Variants in ATP9B observed in about 807,000 individuals in gnomAD.
ATP9B encodes the protein ATPase phospholipid transporting 9B.
A neutral mutation model predicts 146.1 loss-of-function variants in ATP9B; 110 were observed. The observed-to-expected ratio is 0.75, with a 90% CI of 0.65 to 0.88. The LOEUF (loss-of-function observed/expected upper bound fraction) is 0.88, where lower values mean the gene tolerates loss of function less well. Among genes scored for constraint, ATP9B ranks in the 40% least tolerant of loss-of-function variants. The probability of loss-of-function intolerance (pLI) is 0.00; values close to 1 mark genes in which losing one functional copy is unlikely to be tolerated. For missense variants in ATP9B, 1,499 were observed against 1,496.4 expected (o/e 1.00, Z -0.03); for synonymous variants, 604 against 569.7 (o/e 1.06, Z -0.86).
intron 11 of ATP9B, among the ~76,000 whole-genome samples, chr18:79,228,498 G>T (rs981585577): frequency 6.6e-6 from 1 of 152,074 alleles, no homozygotes; most frequent in African/African-American, 2.4e-5. Flanking sequence ...TAAGGTGATC[G>T]CCTGTTGCAT....
Position 79,377,395 on chromosome 18 carries a change from C to T in ATP9B, c.*12C>T. 6.2e-7 allele frequency: 1 copy of T among 1,605,020 alleles called. No homozygotes were observed. Among genetic ancestry groups the T allele is most frequent in the Non-Finnish European group, 8.5e-7 (1 of 1,179,876 alleles). ...AGCTGGCCTCCTAAGGGGCTGTGCA[C>T]CCCCAGCGGGCTGGCCCCAGCACCT... On this transcript the variant is annotated 3_prime_UTR_variant, in exon 30 of 30. Coordinates refer to ENST00000426216, the MANE Select transcript of ATP9B (RefSeq NM_198531.5).
At position 79,091,781 on chromosome 18, in the gene ATP9B, G is replaced by A. The variant is rs147143649; in HGVS notation, c.120-4695G>A. On this transcript the variant is annotated intron_variant, in intron 1 of 29. Coordinates refer to ENST00000426216, the MANE Select transcript of ATP9B (RefSeq NM_198531.5). ...TTCCCCCTATATGTTTCTCTTGTCC[G>A]ATAGCTCTAGCTAGGACTTCCAGTA... Among the ~76,000 whole-genome samples, 250 of 152,222 alleles carry A rather than the reference G, an allele frequency of 1.6e-3. 1 individual carries two copies. Among genetic ancestry groups the A allele is most frequent in the African/African-American group, 5.6e-3 (232 of 41,530 alleles).
intron 15 of ATP9B, among the ~76,000 whole-genome samples, chr18:79,309,921 A>G (rs562682322): frequency 1.3e-5 from 2 of 152,312 alleles, no homozygotes; most frequent in Non-Finnish European, 1.5e-5. Context: ...GACAAAGCAA[A>G]TTCATAGGTT....
chr18:79,139,559 A>G (rs2094489393), intron 5 of ATP9B, among the ~76,000 whole-genome samples: 1 of 152,176 alleles, frequency 6.6e-6, no homozygotes, highest in African/African-American at 2.4e-5. Flanking sequence ...GTGAGTACAT[A>G]GTAGGTATAT....
At chr18:79,231,187 A>G (rs2095788191) in intron 11 of ATP9B, among the ~76,000 whole-genome samples, 1 of 152,238 alleles carries the variant, frequency 6.6e-6, no homozygotes, top group South Asian at 2.1e-4. Flanking sequence ...AGCAAAAGAA[A>G]TAATCAGCAG....
chr18:79,317,772 G>A (rs980435069), intron 15 of ATP9B, among the ~76,000 whole-genome samples: 1 of 152,168 alleles, frequency 6.6e-6, no homozygotes, highest in Non-Finnish European at 1.5e-5. Context: ...CCGGGGTGGT[G>A]GAAACATGGC....
Position 79,337,328 on chromosome 18 carries a change from T to C in ATP9B, c.2162T>C (p.Val721Ala), listed in dbSNP as rs2096833289. The C allele has an allele frequency of 1.2e-6, 2 of 1,614,088 alleles. No homozygotes were observed. The highest frequency in any genetic ancestry group is 1.7e-6 in the Non-Finnish European group (2 of 1,180,014). The change falls in exon 19 of 30, where the codon GTG becomes GCG. Residue 721 changes from valine to alanine, a missense_variant. Physicochemically the swap from Val to Ala is moderately conservative, Grantham distance 64 (BLOSUM62 0). Coordinates refer to ENST00000426216, the MANE Select transcript of ATP9B (RefSeq NM_198531.5). ...KLSMHDRSLK[V>A]AAVVESLERE... ...AGCATGCACGACAGGTCCCTCAAGGTGGCCGCGGTAGTCGAGAGCCTGGAG... is the reference window on the plus strand; with the variant it reads ...AGCATGCACGACAGGTCCCTCAAGGCGGCCGCGGTAGTCGAGAGCCTGGAG...
At position 79,110,512 on chromosome 18, in the gene ATP9B, C is replaced by A; in HGVS notation, c.444+7C>A. On this transcript the variant is annotated splice_region_variant and intron_variant, in intron 3 of 29. Coordinates refer to ENST00000426216, the MANE Select transcript of ATP9B (RefSeq NM_198531.5). ...GTTTACCTTTATACCTGGGGTAAGA[C>A]TATTGCATTCTTGGAGATGGGTTGT... is the stretch of plus-strand genomic sequence containing the variant. 6.3e-7 allele frequency: 1 copy of A among 1,597,088 alleles called. No individual in the cohort carries two copies. Among genetic ancestry groups the A allele is most frequent in the Non-Finnish European group, 8.5e-7 (1 of 1,173,376 alleles).
chr18:79,205,245 A>C (rs1456138503), intron 9 of ATP9B, among the ~76,000 whole-genome samples: 1 of 106,010 alleles, frequency 9.4e-6, no homozygotes, highest in Non-Finnish European at 2.0e-5. Flanking sequence ...ATATTTTGGA[A>C]ACTGTTAGGA....
chr18:79,230,023 G>A (rs2095775491), intron 11 of ATP9B, among the ~76,000 whole-genome samples: 1 of 151,474 alleles, frequency 6.6e-6, no homozygotes, highest in South Asian at 2.1e-4. Context: ...TTTATAAAAT[G>A]AAATTTATAG....
chr18:79,348,226 TC>T, intron 25 of ATP9B, 30 bp downstream of exon 25: 1 of 1,057,348 alleles, frequency 9.5e-7, no homozygotes, highest in Non-Finnish European at 1.4e-6. Flanking sequence ...TGCCAGCTCA[TC>T]CAGGGGAGGA....
In ATP9B at chr18:79,222,764, T is replaced by G. The variant is rs563743496; in HGVS notation, c.1107+8726T>G. 1.9e-4 allele frequency among the ~76,000 whole-genome samples: 29 copies of G among 150,948 alleles called. No individual in the cohort carries two copies. In the East Asian group the frequency reaches 4.0e-3, roughly 21 times the overall value. Reference sequence around the variant, plus strand: ...TGAAAATTTTAAGACTAAACAAAAGTTTTTATTACTAAGGAATTACTATTA... The same window carrying G: ...TGAAAATTTTAAGACTAAACAAAAGGTTTTATTACTAAGGAATTACTATTA... On this transcript the variant is annotated intron_variant, in intron 11 of 29. Transcript: ENST00000426216.
At chr18:79,098,865 C>A (rs1220430670) in intron 2 of ATP9B, among the ~76,000 whole-genome samples, 1 of 152,112 alleles carries the variant, frequency 6.6e-6, no homozygotes, top group South Asian at 2.1e-4. Context: ...ATCTTTCATT[C>A]CATTGACATT....
rs115511576 is a variant in ATP9B at position 79,197,787 on chromosome 18, A to G, written c.954+4524A>G. 3.3e-3 allele frequency among the ~76,000 whole-genome samples: 504 copies of G among 152,322 alleles called. 1 individual carries two copies. Among genetic ancestry groups the G allele is most frequent in the African/African-American group, 0.011 (460 of 41,580 alleles). On this transcript the variant is annotated intron_variant, in intron 9 of 29. Coordinates refer to ENST00000426216, the MANE Select transcript of ATP9B (RefSeq NM_198531.5). Reference sequence around the variant, plus strand: ...CAGCAAAGAGCAAGATGGTTGACTCAGTAATTAAACGTCTCTGCAGTTAAA... The same window carrying G: ...CAGCAAAGAGCAAGATGGTTGACTCGGTAATTAAACGTCTCTGCAGTTAAA...
intron 12 of ATP9B, among the ~76,000 whole-genome samples, chr18:79,274,348 G>A (rs2096284629): frequency 6.6e-6 from 1 of 152,194 alleles, no homozygotes; most frequent in African/African-American, 2.4e-5. Flanking sequence ...ACGTTAAAGA[G>A]GAAATTGCTG....
At chr18:79,184,666 G>GT (rs1304696142) in intron 8 of ATP9B, among the ~76,000 whole-genome samples, 2 of 152,130 alleles carry the variant, frequency 1.3e-5, no homozygotes, top group Non-Finnish European at 2.9e-5. Context: ...TAGTGCTACT[G>GT]TTTCATGGTT....
At chr18:79,170,632 A>G (rs938806273) in intron 7 of ATP9B, among the ~76,000 whole-genome samples, 3 of 152,172 alleles carry the variant, frequency 2.0e-5, no homozygotes, top group Non-Finnish European at 2.9e-5. Flanking sequence ...ATCAAATTGT[A>G]TATTGTGTTG....
At chr18:79,277,737 AAC>A (rs2096329147) in intron 13 of ATP9B, among the ~76,000 whole-genome samples, 1 of 152,208 alleles carries the variant, frequency 6.6e-6, no homozygotes, top group African/African-American at 2.4e-5. Flanking sequence ...ACCAATCCGT[AAC>A]AGATTAAAGA....
intron 1 of ATP9B, among the ~76,000 whole-genome samples, chr18:79,073,327 A>C: frequency 6.6e-6 from 1 of 152,194 alleles, no homozygotes; most frequent in South Asian, 2.1e-4. Flanking sequence ...ACTGCACTCC[A>C]GCCTGGGCAA....
Sources: allele counts gnomAD v4.1 joint callset (sites outside exome capture counted in the v4.1 genomes callset), GRCh38; gene constraint gnomAD v4.1.1; transcripts MANE v1.5; gene names NCBI Gene and HGNC (gene_info 2026-07-23, HGNC 2026-07-21).